SGMS1: variants seen among roughly 807,000 people sequenced by gnomAD.
SGMS1 encodes the protein phosphatidylcholine:ceramide cholinephosphotransferase 1.
SGMS1 carries 13 observed loss-of-function variants against 46.2 expected under a neutral mutation model. The ratio of observed to expected loss-of-function variants is 0.28; its 90% CI spans 0.18 to 0.45. The LOEUF (loss-of-function observed/expected upper bound fraction) is 0.45. Ranked by LOEUF, SGMS1 falls within the 20% of genes least tolerant of loss-of-function variation. The probability of loss-of-function intolerance (pLI) is 1.00; values close to 1 mark genes in which losing one functional copy is unlikely to be tolerated. For synonymous variants in SGMS1, 203 were observed against 187.8 expected (o/e 1.08, Z -0.66); for missense variants, 324 against 519.9 (o/e 0.62, Z 3.66).
At chr10:50,500,399 T>C in intron 3 of SGMS1, among the ~76,000 whole-genome samples, 1 of 151,938 alleles carries the variant, frequency 6.6e-6, no homozygotes, top group South Asian at 2.1e-4. Flanking sequence ...CCTGAAGCAA[T>C]TGTGAAAGAA....
rs915047396 is a variant in SGMS1, at chr10:50,327,578, A to C, written c.624-256T>G. Among the ~76,000 whole-genome samples the C allele has an allele frequency of 3.3e-5, 5 of 152,206 alleles. No homozygotes were observed. The South Asian group carries it at 6.2e-4, about 19-fold the overall frequency. ...ATATTGCTATTAATTAGGCTTCATG[A>C]GGCCTTAAACTTGAGTTGACGTTCA... On this transcript the variant is annotated intron_variant, in intron 7 of 10. Coordinates refer to ENST00000361781, the MANE Select transcript of SGMS1 (RefSeq NM_147156.4).
chr10:50,389,859 T>C (rs1848739991), intron 6 of SGMS1, among the ~76,000 whole-genome samples: 3 of 152,244 alleles, frequency 2.0e-5, no homozygotes, highest in Admixed American at 2.0e-4. Context: ...TTAGGAATCA[T>C]TTTGCCTGTA....
chr10:50,524,382 C>T lies in SGMS1; in HGVS notation c.-588-4461G>A, dbSNP rs149979854. 1.7e-4 allele frequency among the ~76,000 whole-genome samples: 26 copies of T among 152,272 alleles called. No homozygotes were observed. The East Asian group carries it at 4.6e-3, about 27-fold the overall frequency. On this transcript the variant is annotated intron_variant, in intron 2 of 10. Transcript: ENST00000361781. ...CTGCTCCCAGTCCCCCTTACCATTT[C>T]GTCTCCTAACACTTTATGCTCCATC...
At chr10:50,506,373 A>C (rs1420210093) in intron 3 of SGMS1, among the ~76,000 whole-genome samples, 1 of 152,172 alleles carries the variant, frequency 6.6e-6, no homozygotes, top group Non-Finnish European at 1.5e-5. Flanking sequence ...AGAAGGAATT[A>C]AGCCTTCCTT....
chr10:50,323,898 A>C (rs1847489041), intron 8 of SGMS1, among the ~76,000 whole-genome samples: 1 of 152,246 alleles, frequency 6.6e-6, no homozygotes, highest in Non-Finnish European at 1.5e-5. Context: ...CATTTATTAC[A>C]TAAGTTACAA....
intron 2 of SGMS1, among the ~76,000 whole-genome samples, chr10:50,586,096 G>A (rs1262828539): frequency 6.6e-6 from 1 of 152,136 alleles, no homozygotes; most frequent in Admixed American, 6.5e-5. Flanking sequence ...GTAAACAAAT[G>A]AGCATGACTT....
chr10:50,337,543 T>C (rs751993707), intron 7 of SGMS1, among the ~76,000 whole-genome samples: 14 of 152,198 alleles, frequency 9.2e-5, no homozygotes, highest in Non-Finnish European at 1.2e-4. Context: ...TTGTTGACAG[T>C]GTCTGTGGGT....
chr10:50,573,241 T>C (rs1426649679), intron 2 of SGMS1, among the ~76,000 whole-genome samples: 1 of 152,126 alleles, frequency 6.6e-6, no homozygotes, highest in Non-Finnish European at 1.5e-5. Context: ...GCCAGAGCAA[T>C]GAGGCAAGAA....
At chr10:50,373,112 G>T (rs1241767420) in intron 6 of SGMS1, among the ~76,000 whole-genome samples, 1 of 152,058 alleles carries the variant, frequency 6.6e-6, no homozygotes, top group Non-Finnish European at 1.5e-5. Context: ...ATTTCTAAGG[G>T]TATCATCATA....
At chr10:50,379,809 C>T (rs1193817770) in intron 6 of SGMS1, among the ~76,000 whole-genome samples, 1 of 152,170 alleles carries the variant, frequency 6.6e-6, no homozygotes, top group Non-Finnish European at 1.5e-5. Context: ...TACTCCCACC[C>T]CTCTTTGGGA....
At chr10:50,416,702 G>A (rs1371875153) in intron 6 of SGMS1, among the ~76,000 whole-genome samples, 1 of 152,096 alleles carries the variant, frequency 6.6e-6, no homozygotes, top group Non-Finnish European at 1.5e-5. Context: ...CGGAGCAAAA[G>A]GGCTTAACAA....
intron 2 of SGMS1, among the ~76,000 whole-genome samples, chr10:50,578,756 A>G (rs1838407317): frequency 6.6e-6 from 1 of 152,200 alleles, no homozygotes; most frequent in African/African-American, 2.4e-5. Context: ...GAACACACAT[A>G]TTCAGCTTCT....
Position 50,346,376 on chromosome 10 carries a change from AG to A in SGMS1, c.-231-2032del, listed in dbSNP as rs768809359. ...CACTATAAAAAAAACTCTACCTACC[AG>A]GGGGCTAATTTTTTTTCTCAAATGA... On this transcript the variant is annotated intron_variant, in intron 6 of 10. Transcript: ENST00000361781. Among the ~76,000 whole-genome samples, 12 of 152,162 alleles carry A rather than the reference AG, an allele frequency of 7.9e-5. 1 individual carries two copies. The highest frequency in any genetic ancestry group is 3.8e-4 in the East Asian group (2 of 5,206).
chr10:50,382,790 A>G (rs1589416984), intron 6 of SGMS1, among the ~76,000 whole-genome samples: 1 of 152,140 alleles, frequency 6.6e-6, no homozygotes, highest in East Asian at 1.9e-4. Context: ...TACGACTGTC[A>G]CTCTGGGCTT....
intron 2 of SGMS1, among the ~76,000 whole-genome samples, chr10:50,579,906 T>C (rs1378065386): frequency 1.3e-5 from 2 of 152,222 alleles, no homozygotes; most frequent in Non-Finnish European, 2.9e-5. Flanking sequence ...TAGTCTGGAC[T>C]GGAGCAAAGC....
At chr10:50,611,965 A>T (rs1838754253) in intron 1 of SGMS1, among the ~76,000 whole-genome samples, 1 of 151,718 alleles carries the variant, frequency 6.6e-6, no homozygotes. Context: ...TTCCCACCCT[A>T]TCTCCCTCCC....
In SGMS1 at chr10:50,432,846, G is replaced by A. The variant is rs1849422008; in HGVS notation, c.-232+630C>T. ...TAAAAAGCACAAGAGCAAGAGTGAG[G>A]CCTAGGATTGTCTGACTCAAAAATA... is the stretch of plus-strand genomic sequence containing the variant. On this transcript the variant is annotated intron_variant, in intron 6 of 10. Coordinates refer to ENST00000361781, the MANE Select transcript of SGMS1 (RefSeq NM_147156.4). Among the ~76,000 whole-genome samples the A allele has an allele frequency of 2.6e-5, 4 of 152,132 alleles. No individual in the cohort carries two copies. In the South Asian group the frequency reaches 8.3e-4, roughly 32 times the overall value.
intron 3 of SGMS1, among the ~76,000 whole-genome samples, chr10:50,500,698 T>C (rs1342311162): frequency 6.6e-6 from 1 of 152,186 alleles, no homozygotes; most frequent in East Asian, 1.9e-4. Flanking sequence ...GAAATAGCAC[T>C]CCAAAACCTT....
At chr10:50,572,996 C>T (rs887501674) in intron 2 of SGMS1, among the ~76,000 whole-genome samples, 6 of 152,162 alleles carry the variant, frequency 3.9e-5, no homozygotes, top group Admixed American at 1.3e-4. Context: ...ACATGATCAT[C>T]TCAATAGCTG....
Sources: allele counts gnomAD v4.1 joint callset (sites outside exome capture counted in the v4.1 genomes callset), GRCh38; gene constraint gnomAD v4.1.1; transcripts MANE v1.5; gene names NCBI Gene and HGNC (gene_info 2026-07-23, HGNC 2026-07-21).